The following SLC30A8 variants were observed in gnomAD, a reference collection of about 807,000 sequenced individuals.
The protein encoded by SLC30A8 is proton-coupled zinc antiporter SLC30A8.
SLC30A8 carries 27 observed loss-of-function variants against 36.9 expected under a neutral mutation model. The observed-to-expected ratio is 0.73, with a 90% CI of 0.54 to 1.01. The LOEUF (loss-of-function observed/expected upper bound fraction) is 1.01, where lower values mean the gene tolerates loss of function less well. Among genes scored for constraint, SLC30A8 ranks in the 50% least tolerant of loss-of-function variants. The pLI, the probability that SLC30A8 is intolerant of heterozygous loss-of-function variation, is 0.00. For missense variants in SLC30A8, 439 were observed against 452.0 expected, an observed-to-expected ratio of 0.97 and a Z score of 0.26; for synonymous variants, 164 against 172.4, an observed-to-expected ratio of 0.95 and a Z score of 0.38.
At chr8:116,957,943 G>T (rs1431643244) in intron 1 of SLC30A8, among the ~76,000 whole-genome samples, 1 of 152,108 alleles carries the variant, frequency 6.6e-6, no homozygotes, top group Non-Finnish European at 1.5e-5. Flanking sequence ...GCAGCCCTGT[G>T]TCCTCCCACC....
chr8:117,053,135 G>A (rs542550916), intron 2 of SLC30A8, among the ~76,000 whole-genome samples: 1 of 152,040 alleles, frequency 6.6e-6, no homozygotes, highest in African/African-American at 2.4e-5. Flanking sequence ...GGATGGTCTC[G>A]ATCTCCTGGC....
chr8:117,004,138 A>T (rs138687377), intron 1 of SLC30A8, among the ~76,000 whole-genome samples: 4 of 152,320 alleles, frequency 2.6e-5, no homozygotes, highest in African/African-American at 9.6e-5. Context: ...TCTATTTGAT[A>T]CAGCTGAATC....
Position 117,153,723 on chromosome 8 carries a change from GGTGTGT to G in SLC30A8, c.418+660_418+665del, listed in dbSNP as rs59464276. 3.6e-3 allele frequency among the ~76,000 whole-genome samples: 531 copies of G among 147,006 alleles called. 2 individuals carry two copies. The highest frequency in any genetic ancestry group is 9.1e-3 in the Admixed American group (134 of 14,772). On this transcript the variant is annotated intron_variant, in intron 3 of 7. Transcript: ENST00000456015. ...GGCAGTAGCCAAGGTCATGATAAGG[GGTGTGT>G]GTGTGTGTGTGTGTGTGTGTGTGTG...
At chr8:117,148,898 C>G (rs917834360) in intron 2 of SLC30A8, among the ~76,000 whole-genome samples, 4 of 152,094 alleles carry the variant, frequency 2.6e-5, no homozygotes, top group African/African-American at 9.7e-5. Context: ...ACTTTGTACT[C>G]AATTATATAT....
chr8:117,041,213 G>A (rs1338869775), intron 2 of SLC30A8, among the ~76,000 whole-genome samples: 2 of 152,194 alleles, frequency 1.3e-5, no homozygotes, highest in African/African-American at 2.4e-5. Context: ...GTTTTCTAAG[G>A]CACTTGGCAG....
intron 2 of SLC30A8, among the ~76,000 whole-genome samples, chr8:117,111,847 C>G (rs911450762): frequency 6.6e-6 from 1 of 152,066 alleles, no homozygotes; most frequent in Non-Finnish European, 1.5e-5. Context: ...AGCTCTGCTC[C>G]TGGTTGAGGC....
rs140227923 is a variant in SLC30A8 at position 117,126,044 on chromosome 8, A to G, written c.-225-9236A>G. On this transcript the variant is annotated intron_variant, in intron 2 of 10. Transcript: ENST00000427715. Reference sequence around the variant, plus strand: ...TAGCTGTGTTTTCCCCCCTCGATGAAGCACAGAAGAAACTAAAACCTGCCA... The same window carrying G: ...TAGCTGTGTTTTCCCCCCTCGATGAGGCACAGAAGAAACTAAAACCTGCCA... Among the ~76,000 whole-genome samples the G allele has an allele frequency of 7.9e-5, 12 of 152,108 alleles. No individual in the cohort carries two copies. The East Asian group carries it at 2.3e-3, about 30-fold the overall frequency.
intron 2 of SLC30A8, among the ~76,000 whole-genome samples, chr8:117,083,191 C>T (rs1261041968): frequency 6.6e-6 from 1 of 152,130 alleles, no homozygotes; most frequent in African/African-American, 2.4e-5. Context: ...TATGTCACTC[C>T]CAGGTGGAGG....
chr8:117,069,435 GTT>G, intron 2 of SLC30A8, among the ~76,000 whole-genome samples: 1 of 152,274 alleles, frequency 6.6e-6, no homozygotes, highest in African/African-American at 2.4e-5. Context: ...CAAATGATGA[GTT>G]TTATATTATA....
chr8:117,006,045 G>A (rs1229424928), intron 1 of SLC30A8, among the ~76,000 whole-genome samples: 6 of 152,206 alleles, frequency 3.9e-5, no homozygotes, highest in African/African-American at 1.4e-4. Context: ...GTGAAAAATG[G>A]AATTGGATTT....
At chr8:117,123,198 A>G (rs1248250979) in intron 2 of SLC30A8, among the ~76,000 whole-genome samples, 2 of 151,960 alleles carry the variant, frequency 1.3e-5, no homozygotes, top group Non-Finnish European at 2.9e-5. Context: ...TTCTGGGTCT[A>G]AGTTTTAATA....
At chr8:117,101,219 G>T (rs561183267) in intron 2 of SLC30A8, among the ~76,000 whole-genome samples, 72 of 152,154 alleles carry the variant, frequency 4.7e-4, no homozygotes, top group Admixed American at 1.1e-3. Flanking sequence ...AGACCTCCCA[G>T]TAAAGACAAG....
At chr8:117,088,516 C>T (rs370227464) in intron 2 of SLC30A8, among the ~76,000 whole-genome samples, 1 of 152,056 alleles carries the variant, frequency 6.6e-6, no homozygotes, top group Admixed American at 6.6e-5. Flanking sequence ...TCTCAAGTTC[C>T]GACAGTGAAA....
intron 2 of SLC30A8, among the ~76,000 whole-genome samples, chr8:117,057,348 TG>T (rs1166795838): frequency 1.3e-4 from 20 of 152,236 alleles, no homozygotes; most frequent in African/African-American, 4.8e-4. Context: ...ATTGAATTAA[TG>T]TATCCATTAC....
At chr8:116,957,457 G>C (rs1421050292) in intron 1 of SLC30A8, among the ~76,000 whole-genome samples, 1 of 152,038 alleles carries the variant, frequency 6.6e-6, no homozygotes, top group Non-Finnish European at 1.5e-5. Context: ...TTTTAGTAGA[G>C]ACAGGATTTC....
intron 2 of SLC30A8, among the ~76,000 whole-genome samples, chr8:117,083,164 G>A (rs1049080018): frequency 4.6e-5 from 7 of 152,106 alleles, no homozygotes; most frequent in African/African-American, 1.7e-4. Flanking sequence ...TCATTGAAAT[G>A]ACAGCAAAAA....
Position 117,135,296 on chromosome 8 carries a change from G to T in SLC30A8, c.-32G>T. On this transcript the variant is annotated 5_prime_UTR_variant, in exon 1 of 8. Transcript: ENST00000456015. ...ACTGGGCAGTGAGTTCAACAACAAC[G>T]ACAACAACAGCCGCAGCTCATCCTG... 6.4e-7 allele frequency: 1 copy of T among 1,553,022 alleles called. No individual in the cohort carries two copies. The highest frequency in any genetic ancestry group is 1.2e-5 in the South Asian group (1 of 81,272).
chr8:117,152,260 C>T (rs1251960568), intron 2 of SLC30A8, among the ~76,000 whole-genome samples: 1 of 152,054 alleles, frequency 6.6e-6, no homozygotes, highest in African/African-American at 2.4e-5. Context: ...GGCTGGAGGT[C>T]TTTTCTCAAA....
chr8:117,000,944 A>C (rs1398470506), intron 1 of SLC30A8, among the ~76,000 whole-genome samples: 1 of 152,196 alleles, frequency 6.6e-6, no homozygotes, highest in Non-Finnish European at 1.5e-5. Context: ...GCTCTTAATA[A>C]ACATTAGATA....
Sources: allele counts gnomAD v4.1 joint callset (sites outside exome capture counted in the v4.1 genomes callset), GRCh38; gene constraint gnomAD v4.1.1; transcripts MANE v1.5; gene names NCBI Gene and HGNC (gene_info 2026-07-23, HGNC 2026-07-21).